ADGRL2: variants seen among roughly 807,000 people sequenced by gnomAD.
ADGRL2 encodes the protein calcium-independent alpha-latrotoxin receptor 2.
ADGRL2 carries 44 observed loss-of-function variants against 157.4 expected under a neutral mutation model. The observed-to-expected ratio is 0.28, with a 90% CI of 0.22 to 0.36. ADGRL2 has a LOEUF of 0.36. Ranked by LOEUF, ADGRL2 falls within the 10% of genes least tolerant of loss-of-function variation. ADGRL2 has a pLI of 1.00. For missense variants in ADGRL2, 1,510 were observed against 1,768.9 expected (o/e 0.85, Z 2.63); for synonymous variants, 585 against 624.7 (o/e 0.94, Z 0.95).
At chr1:81,444,691 G>A (rs1436501866) in intron 1 of ADGRL2, among the ~76,000 whole-genome samples, 2 of 152,182 alleles carry the variant, frequency 1.3e-5, no homozygotes, top group African/African-American at 2.4e-5. Context: ...TGACTAACAA[G>A]ATAAGAGTGC....
rs528583705 is a variant in ADGRL2 at position 81,655,806 on chromosome 1, G to A, written c.-143+74826G>A. On this transcript the variant is annotated intron_variant, in intron 3 of 24. Transcript: ENST00000370721. ...CCCTCCGCCCAAATGGACATATATC[G>A]TATGGCTCTTATGTGTGTGTGTGAT... Among the ~76,000 whole-genome samples the A allele has an allele frequency of 1.2e-4, 12 of 102,474 alleles. No individual in the cohort carries two copies. The East Asian group carries it at 3.6e-3, about 30-fold the overall frequency. The allele number at this position is 102,474 out of a possible 152,430, so 67.2% of individuals were successfully genotyped here.
chr1:81,443,998 C>T (rs2077555038), intron 1 of ADGRL2, among the ~76,000 whole-genome samples: 1 of 152,128 alleles, frequency 6.6e-6, no homozygotes, highest in Non-Finnish European at 1.5e-5. Context: ...CTATCCGATG[C>T]CCCGGTAAGT....
rs554032755 is a variant in ADGRL2, at chr1:81,840,249, T to G, written c.73+3192T>G. Among the ~76,000 whole-genome samples, 12 of 152,174 alleles carry G rather than the reference T, an allele frequency of 7.9e-5. No homozygotes were observed. In the East Asian group the frequency reaches 2.3e-3, roughly 29 times the overall value. On this transcript the variant is annotated intron_variant, in intron 2 of 23. Coordinates refer to ENST00000686636, the MANE Select transcript of ADGRL2 (RefSeq NM_001366006.2). The stretch of plus-strand genomic sequence containing the variant: ...CTGACTTTCAGTAGAAATCAAACAT[T>G]AGGATTTTTAAGTAATGGCAACTAA...
intron 1 of ADGRL2, among the ~76,000 whole-genome samples, chr1:81,390,716 C>T (rs2076530444): frequency 1.3e-5 from 2 of 152,308 alleles, no homozygotes; most frequent in African/African-American, 4.8e-5. Context: ...CTTAATATAC[C>T]TTGGACATGT....
chr1:81,985,123 GA>G, intron 20 of ADGRL2, 135 bp from the exon 21 acceptor site: 2 of 506,904 alleles, frequency 3.9e-6, no homozygotes, highest in Non-Finnish European at 7.1e-6. Flanking sequence ...TTTTAGACCA[GA>G]AAAAACACAC....
intron 2 of ADGRL2, among the ~76,000 whole-genome samples, chr1:81,452,254 C>T (rs574763001): frequency 6.6e-6 from 1 of 152,292 alleles, no homozygotes; most frequent in African/African-American, 2.4e-5. Context: ...TTTCTTCCAC[C>T]TATTAAAAAT....
At chr1:81,959,806 G>GC (rs1654732903) in intron 11 of ADGRL2, among the ~76,000 whole-genome samples, 1 of 145,158 alleles carries the variant, frequency 6.9e-6, no homozygotes. Flanking sequence ...GTTGAGTTTT[G>GC]TTTTTTTTTT....
chr1:81,455,582 A>T (rs1418813117), intron 2 of ADGRL2, among the ~76,000 whole-genome samples: 1 of 152,220 alleles, frequency 6.6e-6, no homozygotes, highest in African/African-American at 2.4e-5. Context: ...ACCATAAAGG[A>T]AGAAGCCATG....
chr1:81,692,751 A>AT (rs1197017104), intron 3 of ADGRL2, among the ~76,000 whole-genome samples: 2 of 152,158 alleles, frequency 1.3e-5, no homozygotes, highest in African/African-American at 2.4e-5. Flanking sequence ...AGTAATAGGC[A>AT]TTTTTTGCCA....
At chr1:81,818,894 T>C (rs1327095480) in intron 1 of ADGRL2, among the ~76,000 whole-genome samples, 1 of 152,088 alleles carries the variant, frequency 6.6e-6, no homozygotes, top group Non-Finnish European at 1.5e-5. Flanking sequence ...TATATAGTCT[T>C]TTCTGAGGAG....
intron 3 of ADGRL2, among the ~76,000 whole-genome samples, chr1:81,654,185 A>G (rs1030623128): frequency 5.9e-5 from 9 of 152,258 alleles, no homozygotes; most frequent in African/African-American, 2.2e-4. Flanking sequence ...ACCTTAGGTA[A>G]TCCACCGAAC....
intron 3 of ADGRL2, among the ~76,000 whole-genome samples, chr1:81,681,704 A>AG (rs1231415121): frequency 2.6e-5 from 4 of 152,184 alleles, no homozygotes. Flanking sequence ...AGCCTTGAGA[A>AG]GGGGGAATTG....
chr1:81,767,854 C>CAA (rs71592741), intron 2 of ADGRL2, among the ~76,000 whole-genome samples: 16,838 of 83,528 alleles, frequency 0.2, 1,300 homozygotes, highest in East Asian at 0.23. Context: ...GATCCTGTCT[C>CAA]AAAAAAAAAA....
In ADGRL2 at chr1:81,667,772, T is replaced by C. The variant is rs991345570; in HGVS notation, c.-143+86792T>C. ...TAAATTCAGCATTCTCTAAAGAGCA[T>C]TGTCAAAATATAGAGGTATAATTAA... is the stretch of plus-strand genomic sequence containing the variant. On this transcript the variant is annotated intron_variant, in intron 3 of 24. Transcript: ENST00000370721. Among the ~76,000 whole-genome samples, 14 of 152,264 alleles carry C rather than the reference T, an allele frequency of 9.2e-5. 1 individual carries two copies. The highest frequency in any genetic ancestry group is 7.8e-4 in the Admixed American group (12 of 15,290).
At chr1:81,526,555 A>G (rs567633459) in intron 2 of ADGRL2, among the ~76,000 whole-genome samples, 1 of 152,388 alleles carries the variant, frequency 6.6e-6, no homozygotes, top group East Asian at 1.9e-4. Context: ...ATTACTTTGA[A>G]TGTAGAGAAG....
intron 1 of ADGRL2, among the ~76,000 whole-genome samples, chr1:81,310,557 A>G (rs1006185613): frequency 4.6e-5 from 7 of 152,200 alleles, no homozygotes; most frequent in Non-Finnish European, 1.0e-4. Flanking sequence ...CTGTGATACC[A>G]GCATTCTTTT....
chr1:81,686,465 T>G (rs894149682), intron 3 of ADGRL2, among the ~76,000 whole-genome samples: 1 of 152,216 alleles, frequency 6.6e-6, no homozygotes. Context: ...TGTATTTTGG[T>G]GGTGTCAGTT....
intron 1 of ADGRL2, among the ~76,000 whole-genome samples, chr1:81,356,971 A>AAAAAAAAAAAAAAAAAG (rs80327519): frequency 1.3e-4 from 13 of 99,310 alleles, no homozygotes; most frequent in African/African-American, 3.2e-4. Context: ...AAAAAAAAAA[A>AAAAAAAAAAAAAAAAAG]AAGAAGTTGT....
intron 3 of ADGRL2, among the ~76,000 whole-genome samples, chr1:81,589,469 T>A (rs141595604): frequency 1.3e-4 from 20 of 152,250 alleles, no homozygotes; most frequent in East Asian, 7.7e-4. Context: ...GCCAGAACAA[T>A]AACCACATAT....
Sources: allele counts gnomAD v4.1 joint callset (sites outside exome capture counted in the v4.1 genomes callset), GRCh38; gene constraint gnomAD v4.1.1; transcripts MANE v1.5; gene names NCBI Gene and HGNC (gene_info 2026-07-23, HGNC 2026-07-21).